The following PHACTR2 variants were observed in gnomAD, a reference collection of about 807,000 sequenced individuals.
PHACTR2 encodes chromosome 6 open reading frame 56.
A neutral mutation model predicts 76.0 loss-of-function variants in PHACTR2; 30 were observed. The ratio of observed to expected loss-of-function variants is 0.39; its 90% CI spans 0.30 to 0.54. The LOEUF (loss-of-function observed/expected upper bound fraction) is 0.54. Among genes scored for constraint, PHACTR2 ranks in the 20% least tolerant of loss-of-function variants. The pLI, the probability that PHACTR2 is intolerant of heterozygous loss-of-function variation, is 0.61. For synonymous variants in PHACTR2, 292 were observed against 292.5 expected, an observed-to-expected ratio of 1.00 and a Z score of 0.02; for missense variants, 696 against 781.1, an observed-to-expected ratio of 0.89 and a Z score of 1.30.
rs921621928 is a variant in PHACTR2 at position 143,570,532 on chromosome 6, T to G, written c.217+33325T>G. On this transcript the variant is annotated intron_variant, in intron 1 of 11. Transcript: ENST00000367584. The surrounding 1 kb of genome is among the most constrained non-coding windows in gnomAD (Gnocchi z 4.6). ...GTTCTATCAATAGCTTTCTATCGAT[T>G]GGCAGTTTTGTGCCTTTTCAGTTCA... 6.6e-6 allele frequency among the ~76,000 whole-genome samples: 1 copy of G among 152,184 alleles called. No individual in the cohort carries two copies. Among genetic ancestry groups the G allele is most frequent in the African/African-American group, 2.4e-5 (1 of 41,448 alleles).
chr6:143,560,885 GTGTGT>G (rs1562684390), intron 1 of PHACTR2, among the ~76,000 whole-genome samples: 22 of 31,598 alleles, frequency 7.0e-4, no homozygotes, highest in African/African-American at 2.2e-3. Flanking sequence ...GCAGAGGGGT[GTGTGT>G]GTGTGTGTGT....
rs1377045171 is a variant in PHACTR2 at position 143,775,060 on chromosome 6, G to T, written c.1589+845G>T. On this transcript the variant is annotated intron_variant, in intron 8 of 12. Coordinates refer to ENST00000440869, the MANE Select transcript of PHACTR2 (RefSeq NM_001100164.2). This position sits in a 1 kb window ranked among gnomAD's most constrained non-coding sequence, Gnocchi z 4.4. ...TAGAATCCCAGAGCAGGATTTGGAG[G>T]TGGGGGGAAAATTGCTGTCCTTGCT... is the stretch of plus-strand genomic sequence containing the variant. Among the ~76,000 whole-genome samples the T allele has an allele frequency of 6.6e-6, 1 of 152,212 alleles. No homozygotes were observed. The highest frequency in any genetic ancestry group is 1.9e-4 in the East Asian group (1 of 5,198).
Position 143,794,259 on chromosome 6 carries a change from T to G in PHACTR2, c.1845+5349T>G, listed in dbSNP as rs1470516532. Among the ~76,000 whole-genome samples the G allele has an allele frequency of 6.6e-6, 1 of 151,420 alleles. No individual in the cohort carries two copies. The highest frequency in any genetic ancestry group is 2.4e-5 in the African/African-American group (1 of 41,366). ...TTTATTTTAGAATGAAAATAACACA[T>G]GCTAATCACCATTATTAACAAGCAT... On this transcript the variant is annotated intron_variant, in intron 11 of 12. Transcript: ENST00000440869. The surrounding 1 kb of genome is among the most constrained non-coding windows in gnomAD (Gnocchi z 4.1).
In PHACTR2 at chr6:143,803,248, A is replaced by G. The variant is rs1436266315; in HGVS notation, c.1846-3809A>G. Reference sequence around the variant, plus strand: ...CTGAAGCAAATCTGACAGATTTTCAATGTGAAAATAAAATAGAGGCCGATT... The same window carrying G: ...CTGAAGCAAATCTGACAGATTTTCAGTGTGAAAATAAAATAGAGGCCGATT... On this transcript the variant is annotated intron_variant, in intron 11 of 12. Transcript: ENST00000440869. This position sits in a 1 kb window ranked among gnomAD's most constrained non-coding sequence, Gnocchi z 4.7. Among the ~76,000 whole-genome samples the G allele has an allele frequency of 6.6e-6, 1 of 152,206 alleles. No individual in the cohort carries two copies. Among genetic ancestry groups the G allele is most frequent in the African/African-American group, 2.4e-5 (1 of 41,464 alleles).
chr6:143,693,573 G>A (rs943063590), intron 1 of PHACTR2, among the ~76,000 whole-genome samples: 9 of 152,132 alleles, frequency 5.9e-5, no homozygotes, highest in African/African-American at 2.2e-4. Flanking sequence ...GCCATTTAAG[G>A]ACTTTAAGCA....
At chr6:143,817,128 A>T (rs1442934336) in intron 12 of PHACTR2, among the ~76,000 whole-genome samples, 1 of 144,874 alleles carries the variant, frequency 6.9e-6, no homozygotes, top group Non-Finnish European at 1.5e-5. Context: ...TTGTTATCCA[A>T]CCCAAAATTT....
At position 143,619,939 on chromosome 6, in the gene PHACTR2, A is replaced by G. The variant is rs1371539577; in HGVS notation, c.13+11617A>G. On this transcript the variant is annotated intron_variant, in intron 1 of 11. Coordinates refer to the PHACTR2 transcript ENST00000305766. This position sits in a 1 kb window ranked among gnomAD's most constrained non-coding sequence, Gnocchi z 4.5. ...CATGCTTGCTTGTGGTACTTACAGA[A>G]CATGTCACTCGGTCGGGGGTGGGGG... 7.1e-6 allele frequency among the ~76,000 whole-genome samples: 1 copy of G among 141,826 alleles called. No individual in the cohort carries two copies. The highest frequency in any genetic ancestry group is 2.6e-5 in the African/African-American group (1 of 38,396). The allele number at this position is 141,826 out of a possible 152,430, so 93.0% of individuals were successfully genotyped here.
chr6:143,774,299 G>T lies in PHACTR2; in HGVS notation c.1589+84G>T. On this transcript the variant is annotated intron_variant, in intron 8 of 12. Transcript: ENST00000440869. This position sits in a 1 kb window ranked among gnomAD's most constrained non-coding sequence, Gnocchi z 5.4. The stretch of plus-strand genomic sequence containing the variant: ...CTTCCTACCTAACTGGGGTCATTGT[G>T]AATTCCTTATGTACAGATACATCTG... 1 of 1,100,520 alleles carries T rather than the reference G, an allele frequency of 9.1e-7. No individual in the cohort carries two copies. Among genetic ancestry groups the T allele is most frequent in the Non-Finnish European group, 1.4e-6 (1 of 739,842 alleles). 68.2% of individuals were successfully genotyped at this position (1,100,520 alleles called of 1,614,324 possible). A position where few individuals can be genotyped will look rare whatever the true frequency, so the allele number is the denominator to read the frequency against.
At chr6:143,808,151 A>G (rs919337855) in intron 12 of PHACTR2, among the ~76,000 whole-genome samples, 8 of 141,990 alleles carry the variant, frequency 5.6e-5, no homozygotes, top group Admixed American at 5.0e-4. Context: ...TTTTTTTGAG[A>G]CAGAGTCTTG....
At chr6:143,687,170 G>A (rs1174448087) in intron 1 of PHACTR2, among the ~76,000 whole-genome samples, 1 of 152,098 alleles carries the variant, frequency 6.6e-6, no homozygotes, top group Non-Finnish European at 1.5e-5. Context: ...ATCAGATTTG[G>A]TCAGTGACTA....
At chr6:143,719,411 C>T (rs1210917644) in intron 2 of PHACTR2, among the ~76,000 whole-genome samples, 2 of 133,720 alleles carry the variant, frequency 1.5e-5, no homozygotes, top group African/African-American at 2.9e-5. Flanking sequence ...AGTGCAATGG[C>T]GTAATCTCAC....
chr6:143,643,293 C>A (rs1047296248), intron 1 of PHACTR2, among the ~76,000 whole-genome samples: 1 of 152,108 alleles, frequency 6.6e-6, no homozygotes, highest in Admixed American at 6.5e-5. Flanking sequence ...AATTTAACGT[C>A]CCTTCTAGTT....
At position 143,777,268 on chromosome 6, in the gene PHACTR2, T is replaced by C; in HGVS notation, c.1590-60T>C. On this transcript the variant is annotated intron_variant, in intron 8 of 12. Coordinates refer to ENST00000440869, the MANE Select transcript of PHACTR2 (RefSeq NM_001100164.2). This position sits in a 1 kb window ranked among gnomAD's most constrained non-coding sequence, Gnocchi z 4.6. ...AAAATAGAGCTTTGTTGTTTTATTC[T>C]GAGTCTCCTACTAGGGTACCTTGTT... 1 of 851,574 alleles carries C rather than the reference T, an allele frequency of 1.2e-6. No individual in the cohort carries two copies. The highest frequency in any genetic ancestry group is 1.9e-6 in the Non-Finnish European group (1 of 516,862). 52.8% of individuals were successfully genotyped at this position (851,574 alleles called of 1,614,324 possible). A position where few individuals can be genotyped will look rare whatever the true frequency, so the allele number is the denominator to read the frequency against.
chr6:143,821,749 G>A lies in PHACTR2; in HGVS notation c.1923-1925G>A, dbSNP rs968580645. On this transcript the variant is annotated intron_variant, in intron 12 of 12. Coordinates refer to ENST00000440869, the MANE Select transcript of PHACTR2 (RefSeq NM_001100164.2). This position sits in a 1 kb window ranked among gnomAD's most constrained non-coding sequence, Gnocchi z 5.2. ...TGGATCAAACCTGTAATCGCAGCAC[G>A]CTGGGAGGCCGAGGACAGATTGCTT... Among the ~76,000 whole-genome samples the A allele has an allele frequency of 1.3e-5, 2 of 152,186 alleles. No homozygotes were observed. Among genetic ancestry groups the A allele is most frequent in the African/African-American group, 2.4e-5 (1 of 41,436 alleles).
Position 143,791,498 on chromosome 6 carries a change from T to A in PHACTR2, c.1845+2588T>A, listed in dbSNP as rs984955866. ...ATTGGTCTGGGATGTGGCCTTCATA[T>A]TGGGATTTTTAGTAATTATAAATAT... On this transcript the variant is annotated intron_variant, in intron 11 of 12. Coordinates refer to ENST00000440869, the MANE Select transcript of PHACTR2 (RefSeq NM_001100164.2). The surrounding 1 kb of genome is among the most constrained non-coding windows in gnomAD (Gnocchi z 4.7). 2.0e-5 allele frequency among the ~76,000 whole-genome samples: 3 copies of A among 152,210 alleles called. No homozygotes were observed. In the East Asian group the frequency reaches 5.8e-4, roughly 29 times the overall value.
Position 143,585,948 on chromosome 6 carries a change from T to A in PHACTR2, c.217+48741T>A, listed in dbSNP as rs1216993320. On this transcript the variant is annotated intron_variant, in intron 1 of 11. Transcript: ENST00000367584. The surrounding 1 kb of genome is among the most constrained non-coding windows in gnomAD (Gnocchi z 5.2). ...CTTCTTTGAAACAATCCATAAACTTTGGAAACACATTATCATGTGCTTGGA... is the reference window on the plus strand; with the variant it reads ...CTTCTTTGAAACAATCCATAAACTTAGGAAACACATTATCATGTGCTTGGA... Among the ~76,000 whole-genome samples, 1 of 152,236 alleles carries A rather than the reference T, an allele frequency of 6.6e-6. No individual in the cohort carries two copies. The highest frequency in any genetic ancestry group is 1.5e-5 in the Non-Finnish European group (1 of 68,034).
rs574677525 is a variant in PHACTR2 at position 143,623,500 on chromosome 6, G to A, written c.13+15178G>A. On this transcript the variant is annotated intron_variant, in intron 1 of 11. Transcript: ENST00000305766. The surrounding 1 kb of genome is among the most constrained non-coding windows in gnomAD (Gnocchi z 5.9). ...TGAGGCAGGAGAATCACTTGAGCTC[G>A]GAAGGAGAAGGTTGCAGTGAGCCAA... Among the ~76,000 whole-genome samples, 25 of 152,148 alleles carry A rather than the reference G, an allele frequency of 1.6e-4. No homozygotes were observed. In the South Asian group the frequency reaches 1.9e-3, roughly 11 times the overall value.
intron 1 of PHACTR2, among the ~76,000 whole-genome samples, chr6:143,690,934 G>A (rs1777630346): frequency 6.6e-6 from 1 of 152,158 alleles, no homozygotes. Context: ...TCATCTTTAT[G>A]GGATGCTCGT....
rs1775233309 is a variant in PHACTR2, at chr6:143,774,645, C to G, written c.1589+430C>G. ...TCACAGTTTGCTCAACAATCCTGGC[C>G]TAATTTATGGACTCACTAGCATTCC... On this transcript the variant is annotated intron_variant, in intron 8 of 12. Coordinates refer to ENST00000440869, the MANE Select transcript of PHACTR2 (RefSeq NM_001100164.2). This position sits in a 1 kb window ranked among gnomAD's most constrained non-coding sequence, Gnocchi z 5.4. Among the ~76,000 whole-genome samples the G allele has an allele frequency of 6.6e-6, 1 of 152,268 alleles. No individual in the cohort carries two copies. Among genetic ancestry groups the G allele is most frequent in the Non-Finnish European group, 1.5e-5 (1 of 68,014 alleles).
Sources: gnomAD v4.1 joint callset for allele counts (sites outside exome capture counted in the v4.1 genomes callset) on GRCh38, gnomAD v4.1.1 for gene constraint, Gnocchi (gnomAD v3.1) non-coding constraint, MANE v1.5 for transcripts, NCBI Gene and HGNC (gene_info 2026-07-23, HGNC 2026-07-21) for gene names.